Variants in WWC2 observed in about 807,000 individuals in gnomAD.
WWC2 encodes the protein protein WWC2.
A neutral mutation model predicts 138.5 loss-of-function variants in WWC2; 101 were observed. The observed-to-expected ratio is 0.73, with a 90% CI of 0.62 to 0.86. The LOEUF is 0.86. WWC2 is among the 40% of genes least tolerant of loss of function. The pLI is 0.00. For missense variants in WWC2, 1,420 were observed against 1,419.4 expected (o/e 1.00, Z -0.01); for synonymous variants, 558 against 538.4 (o/e 1.04, Z -0.50).
At position 183,236,343 on chromosome 4, in the gene WWC2, G is replaced by A. The variant is rs6811275; in HGVS notation, c.523-3840G>A. On this transcript the variant is annotated intron_variant, in intron 4 of 22. Coordinates refer to ENST00000403733, the MANE Select transcript of WWC2 (RefSeq NM_024949.6). ...AGATTCGTGAATCGGGCGGCCCCCA[G>A]AATCACGGCAGACTCACAGAGACTC... is the stretch of plus-strand genomic sequence containing the variant. 8.1e-3 allele frequency among the ~76,000 whole-genome samples: 1,231 copies of A among 152,286 alleles called. 15 individuals carry two copies. The highest frequency in any genetic ancestry group is 0.028 in the African/African-American group (1,181 of 41,564).
At chr4:183,309,351 GT>G (rs1739135662) in intron 21 of WWC2, among the ~76,000 whole-genome samples, 1 of 152,216 alleles carries the variant, frequency 6.6e-6, no homozygotes, top group African/African-American at 2.4e-5. Flanking sequence ...ATAAAGGACT[GT>G]TATCTAAGTT....
chr4:183,133,720 C>T (rs951985427), intron 1 of WWC2, among the ~76,000 whole-genome samples: 4 of 152,180 alleles, frequency 2.6e-5, no homozygotes, highest in Non-Finnish European at 4.4e-5. Context: ...TGGTCTTGAA[C>T]TCCTCACCTC....
chr4:183,251,295 G>C (rs1736975198), intron 8 of WWC2, among the ~76,000 whole-genome samples: 1 of 152,236 alleles, frequency 6.6e-6, no homozygotes, highest in Non-Finnish European at 1.5e-5. Flanking sequence ...TGGTCCCCTT[G>C]TTGTGTGTCC....
intron 4 of WWC2, among the ~76,000 whole-genome samples, chr4:183,221,197 A>G (rs768544615): frequency 9.9e-5 from 15 of 152,236 alleles, no homozygotes; most frequent in African/African-American, 2.2e-4. Context: ...AACAAGGACT[A>G]TTACTAGAGA....
rs1560865616 is a variant in WWC2, at chr4:183,248,761, C to G, written c.780C>G (p.Gly260=). 6.2e-7 allele frequency: 1 copy of G among 1,603,686 alleles called. No homozygotes were observed. Among genetic ancestry groups the G allele is most frequent in the Non-Finnish European group, 8.5e-7 (1 of 1,174,714 alleles). The change falls in exon 7 of 23, where the codon GGC becomes GGG. Residue 260 remains glycine, a synonymous_variant. Coordinates refer to ENST00000403733, the MANE Select transcript of WWC2 (RefSeq NM_024949.6). ...QERFHLDQNI[G]RSEPDLRCSP... ...GGTTTCATTTGGATCAGAACATTGGCAGATCTGAGCCAGATTTGAGATGTA... is the reference window on the plus strand; with the variant it reads ...GGTTTCATTTGGATCAGAACATTGGGAGATCTGAGCCAGATTTGAGATGTA...
chr4:183,144,713 C>G (rs1454717644), intron 1 of WWC2, among the ~76,000 whole-genome samples: 3 of 152,154 alleles, frequency 2.0e-5, no homozygotes, highest in South Asian at 2.1e-4. Context: ...GTTCTGGGTT[C>G]AGTAGTTTTC....
chr4:183,134,158 G>A (rs938217700), intron 1 of WWC2, among the ~76,000 whole-genome samples: 7 of 151,184 alleles, frequency 4.6e-5, no homozygotes, highest in African/African-American at 1.7e-4. Context: ...TTTTTTTGTA[G>A]TTCTTTTTGT....
chr4:183,244,753 G>T (rs1736719796), intron 5 of WWC2, among the ~76,000 whole-genome samples: 2 of 152,146 alleles, frequency 1.3e-5, no homozygotes, highest in South Asian at 4.1e-4. Context: ...TAAATCAGGT[G>T]GCAGTTTACT....
chr4:183,100,182 C>T (rs1467125356), intron 1 of WWC2, among the ~76,000 whole-genome samples: 2 of 152,222 alleles, frequency 1.3e-5, no homozygotes, highest in African/African-American at 2.4e-5. Flanking sequence ...TGACTTTGCC[C>T]CTCAGAGTTT....
intron 1 of WWC2, among the ~76,000 whole-genome samples, chr4:183,184,539 T>C (rs1734736669): frequency 6.6e-6 from 1 of 152,230 alleles, no homozygotes; most frequent in South Asian, 2.1e-4. Context: ...ATTTTAACTT[T>C]CTGAGGAATT....
intron 21 of WWC2, among the ~76,000 whole-genome samples, chr4:183,298,619 T>C (rs1271526032): frequency 6.6e-6 from 1 of 152,204 alleles, no homozygotes; most frequent in Non-Finnish European, 1.5e-5. Context: ...AAACCAGCCT[T>C]ATAAAATACC....
intron 1 of WWC2, among the ~76,000 whole-genome samples, chr4:183,182,702 A>G (rs1430313750): frequency 6.6e-6 from 1 of 152,266 alleles, no homozygotes; most frequent in Non-Finnish European, 1.5e-5. Context: ...ATTATGATAC[A>G]GAATGTAATA....
At chr4:183,120,211 C>T (rs1483824357) in intron 1 of WWC2, among the ~76,000 whole-genome samples, 2 of 152,166 alleles carry the variant, frequency 1.3e-5, no homozygotes, top group African/African-American at 4.8e-5. Context: ...TTTAAACATT[C>T]TCAATGTCAG....
intron 1 of WWC2, among the ~76,000 whole-genome samples, chr4:183,100,461 A>G (rs1743142565): frequency 6.6e-6 from 1 of 152,370 alleles, no homozygotes; most frequent in East Asian, 1.9e-4. Flanking sequence ...TAAGAATAAT[A>G]GGAGGTATTC....
Position 183,282,917 on chromosome 4 carries a change from C to G in WWC2, c.2883+11C>G, listed in dbSNP as rs539943863. 3 of 1,564,898 alleles carry G rather than the reference C, an allele frequency of 1.9e-6. No individual in the cohort carries two copies. Among genetic ancestry groups the G allele is most frequent in the Admixed American group, 1.9e-5 (1 of 52,788 alleles). On this transcript the variant is annotated intron_variant, in intron 18 of 22. Transcript: ENST00000403733. ...AGAATACCAACACTGGTGACTATTC[C>G]GCTGTGCTGTCTTAAAACTGATACC... is the stretch of plus-strand genomic sequence containing the variant.
At chr4:183,296,977 T>C (rs1738653921) in intron 21 of WWC2, among the ~76,000 whole-genome samples, 1 of 147,516 alleles carries the variant, frequency 6.8e-6, no homozygotes, top group Admixed American at 6.7e-5. Context: ...AAATTATTTC[T>C]TAATAGAGGA....
At chr4:183,247,728 CTACA>C (rs1259635974) in intron 6 of WWC2, among the ~76,000 whole-genome samples, 1 of 128,338 alleles carries the variant, frequency 7.8e-6, no homozygotes, top group African/African-American at 3.2e-5. Flanking sequence ...ATACTATATA[CTACA>C]TATATACTAT....
intron 4 of WWC2, among the ~76,000 whole-genome samples, chr4:183,227,489 G>A (rs1736106636): frequency 6.6e-6 from 1 of 152,054 alleles, no homozygotes; most frequent in Admixed American, 6.5e-5. Context: ...AGATGCTTGA[G>A]ATTTTTGAGA....
intron 4 of WWC2, among the ~76,000 whole-genome samples, chr4:183,213,527 T>C (rs1735667815): frequency 6.6e-6 from 1 of 152,214 alleles, no homozygotes; most frequent in Non-Finnish European, 1.5e-5. Flanking sequence ...TCAGTTGTTT[T>C]ACTGAATTAG....
Sources: allele counts gnomAD v4.1 joint callset (sites outside exome capture counted in the v4.1 genomes callset), GRCh38; gene constraint gnomAD v4.1.1; transcripts MANE v1.5; gene names NCBI Gene and HGNC (gene_info 2026-07-23, HGNC 2026-07-21).